ZNF710: variants seen among roughly 807,000 people sequenced by gnomAD.
ZNF710 encodes the protein zinc finger protein 710.
Under a neutral mutation model 50.6 loss-of-function variants are expected in ZNF710, and 13 were observed. The observed-to-expected ratio is 0.26, with a 90% CI of 0.17 to 0.41. The LOEUF is 0.41. ZNF710 is among the 10% of genes least tolerant of loss of function. ZNF710 has a pLI of 1.00. For missense variants in ZNF710, 721 were observed against 936.6 expected, an observed-to-expected ratio of 0.77 and a Z score of 3.01; for synonymous variants, 383 against 397.0, an observed-to-expected ratio of 0.96 and a Z score of 0.42.
intron 1 of ZNF710, among the ~76,000 whole-genome samples, chr15:90,049,359 C>T (rs1899566471): frequency 6.6e-6 from 1 of 152,188 alleles, no homozygotes; most frequent in African/African-American, 2.4e-5. Context: ...CCTCCATGGC[C>T]TGGCCGGAGG....
chr15:90,045,298 C>G, intron 1 of ZNF710: 1 of 983,542 alleles, frequency 1.0e-6, no homozygotes, highest in Non-Finnish European at 1.2e-6. Context: ...AGAGCTTGAG[C>G]CTGGTCAACT....
At chr15:90,003,193 C>T (rs1898058517) in intron 1 of ZNF710, among the ~76,000 whole-genome samples, 1 of 152,214 alleles carries the variant, frequency 6.6e-6, no homozygotes, top group Admixed American at 6.5e-5. Flanking sequence ...TGAGGGAGGC[C>T]TGCCGGGCAA....
At position 90,079,708 on chromosome 15, in the gene ZNF710, A is replaced by T. The variant is rs1352649693; in HGVS notation, c.1874A>T (p.Gln625Leu). 6.2e-7 allele frequency: 1 copy of T among 1,613,874 alleles called. No homozygotes were observed. Among genetic ancestry groups the T allele is most frequent in the East Asian group, 2.2e-5 (1 of 44,896 alleles). ...ACTGACCCTTCAGAGCTCGACGGCCAGCAGGAGATGGAGGACTTCGAGGAG... is the reference window on the plus strand; with the variant it reads ...ACTGACCCTTCAGAGCTCGACGGCCTGCAGGAGATGGAGGACTTCGAGGAG... ...TGTDPSELDG[Q>L]QEMEDFEENA... The change falls in exon 5 of 5, where the codon CAG (glutamine) becomes CTG (leucine). Residue 625 changes from glutamine (Q) to leucine (L), a missense_variant. This residue lies in a region of ZNF710 where 69 missense variants were observed against 67.6 expected (regional missense o/e 1.02). Transcript: ENST00000268154.
intron 1 of ZNF710, among the ~76,000 whole-genome samples, chr15:90,058,976 T>G (rs970506649): frequency 1.3e-5 from 2 of 152,186 alleles, no homozygotes; most frequent in African/African-American, 4.8e-5. Flanking sequence ...CGATTGTAAA[T>G]GTGAGTCACA....
rs1225148000 is a variant in ZNF710, at chr15:90,067,660, C to A, written c.523C>A (p.Pro175Thr). The A allele has an allele frequency of 2.5e-6, 4 of 1,612,724 alleles. No individual in the cohort carries two copies. Among genetic ancestry groups the A allele is most frequent in the Non-Finnish European group, 3.4e-6 (4 of 1,179,568 alleles). Residue 175 changes from proline (P) to threonine (T), a missense_variant, in exon 2 of 5, where the codon CCC becomes ACC. Pro to Thr is a conservative substitution (Grantham distance 38). This residue lies in a region of ZNF710 where 326 missense variants were observed against 347.1 expected (regional missense o/e 0.94). Transcript: ENST00000268154. The surrounding 1 kb of genome is among the most constrained non-coding windows in gnomAD (Gnocchi z 8.1). ...CAAGCCCCGGACGCTCCGGCATCTG[C>A]CCCGAACCCCGAGGCCGGAGCTGAA... is the stretch of plus-strand genomic sequence containing the variant. ...SRKPRTLRHL[P>T]RTPRPELNVA...
chr15:90,011,584 A>G (rs1363528172), intron 1 of ZNF710, among the ~76,000 whole-genome samples: 2 of 152,168 alleles, frequency 1.3e-5, no homozygotes, highest in Non-Finnish European at 2.9e-5. Context: ...ATAATGTTAT[A>G]TACACTTAAT....
In ZNF710 at chr15:90,068,168, C is replaced by T. The variant is rs764688266; in HGVS notation, c.1031C>T (p.Thr344Met). 5.6e-6 allele frequency: 9 copies of T among 1,614,136 alleles called. No individual in the cohort carries two copies. The highest frequency in any genetic ancestry group is 1.1e-5 in the South Asian group (1 of 91,084). Reference protein sequence around the residue: ...QPSHLQTHLLTHQGTRPHKCQ... With the variant: ...QPSHLQTHLLMHQGTRPHKCQ... Reference sequence around the variant, plus strand: ...AGCCACCTGCAGACGCACCTGCTGACGCACCAGGGCACCCGGCCCCACAAG... The same window carrying T: ...AGCCACCTGCAGACGCACCTGCTGATGCACCAGGGCACCCGGCCCCACAAG... Residue 344 changes from threonine (T) to methionine (M), a missense_variant, in exon 2 of 5, where the codon ACG (threonine) becomes ATG (methionine). By Grantham distance (81) the Thr-to-Met change is moderately conservative. Around this residue, in one of 3 missense-constraint regions of ZNF710, gnomAD observed 326 missense variants for 522.0 expected, o/e 0.62. Coordinates refer to ENST00000268154, the MANE Select transcript of ZNF710 (RefSeq NM_198526.4). The surrounding 1 kb of genome is among the most constrained non-coding windows in gnomAD (Gnocchi z 5.0).
intron 1 of ZNF710, among the ~76,000 whole-genome samples, chr15:90,033,176 G>A (rs892015548): frequency 2.0e-5 from 3 of 152,160 alleles, no homozygotes; most frequent in Admixed American, 6.5e-5. Flanking sequence ...ATCCAAATGG[G>A]CGATTGGTGG....
At chr15:90,045,436 G>A in intron 1 of ZNF710, 6 of 978,302 alleles carry the variant, frequency 6.1e-6, no homozygotes, top group Non-Finnish European at 7.3e-6. Context: ...TAAGGGTGCA[G>A]CTCTAGTGAG....
intron 1 of ZNF710, among the ~76,000 whole-genome samples, chr15:90,046,114 A>G (rs1899452993): frequency 6.6e-6 from 1 of 152,062 alleles, no homozygotes; most frequent in African/African-American, 2.4e-5. Context: ...GAAGGAAGCT[A>G]CCTCTGGGAG....
rs1206701730 is a variant in ZNF710 at position 90,031,019 on chromosome 15, AAAAAAAAAG to A, written c.-29+29414_-29+29422del. 3.5e-5 allele frequency among the ~76,000 whole-genome samples: 2 copies of A among 57,176 alleles called. 1 individual carries two copies. The highest frequency in any genetic ancestry group is 2.6e-4 in the African/African-American group (2 of 7,578). The allele number at this position is 57,176 out of a possible 152,430, so 37.5% of individuals were successfully genotyped here. ...GGGCGACAGAGCGAGACTCCGTCTC[AAAAAAAAAG>A]AAAAAAAAAAAAATGCTTAATGGAT... On this transcript the variant is annotated intron_variant, in intron 1 of 4. Coordinates refer to ENST00000268154, the MANE Select transcript of ZNF710 (RefSeq NM_198526.4).
At chr15:90,003,509 G>A (rs1898066853) in intron 1 of ZNF710, among the ~76,000 whole-genome samples, 1 of 152,144 alleles carries the variant, frequency 6.6e-6, no homozygotes, top group Admixed American at 6.5e-5. Context: ...GTAGAGGGCT[G>A]GGGGTCTGTG....
intron 1 of ZNF710, among the ~76,000 whole-genome samples, chr15:90,066,673 C>A (rs781744865): frequency 5.3e-5 from 8 of 152,122 alleles, no homozygotes; most frequent in Non-Finnish European, 8.8e-5. Context: ...CAGGATTTCA[C>A]CATGTTGGCC....
At chr15:90,069,722 G>C (rs539112631) in intron 2 of ZNF710, among the ~76,000 whole-genome samples, 156 of 152,252 alleles carry the variant, frequency 1.0e-3, no homozygotes, top group African/African-American at 3.7e-3. Context: ...CTAGAATATG[G>C]CTAAACTAGG....
At chr15:90,073,035 A>G (rs751628193) in intron 2 of ZNF710, 36 bp from the exon 3 acceptor site, 17 of 1,594,674 alleles carry the variant, frequency 1.1e-5, no homozygotes, top group Non-Finnish European at 1.3e-5. Context: ...GGCTGTGCCC[A>G]TTGTGTGGCC....
At chr15:90,074,339 C>T (rs377041044) in intron 4 of ZNF710, 49 bp downstream of exon 4, 99 of 1,603,570 alleles carry the variant, frequency 6.2e-5, no homozygotes, top group African/African-American at 2.0e-4. Flanking sequence ...ACCAACATGA[C>T]GCACTCAGGA....
intron 1 of ZNF710, among the ~76,000 whole-genome samples, chr15:90,031,749 G>C (rs1352638233): frequency 1.3e-5 from 2 of 152,174 alleles, no homozygotes; most frequent in East Asian, 3.8e-4. Flanking sequence ...AAATGCAGTT[G>C]CCTGGGTCCA....
At chr15:90,073,598 T>C (rs1305999167) in intron 3 of ZNF710, among the ~76,000 whole-genome samples, 2 of 152,042 alleles carry the variant, frequency 1.3e-5, no homozygotes, top group Admixed American at 6.6e-5. Context: ...TGGGGCAGAC[T>C]CACAGGAGCA....
At position 90,080,528 on chromosome 15, in the gene ZNF710, C is replaced by T. The variant is rs1348488065; in HGVS notation, c.*699C>T. 1 of 152,728 alleles carries T rather than the reference C, an allele frequency of 6.5e-6. No individual in the cohort carries two copies. The highest frequency in any genetic ancestry group is 2.4e-5 in the African/African-American group (1 of 41,474). The allele number at this position is 152,728 out of a possible 1,614,324, so 9.5% of individuals were successfully genotyped here. ...TGCAACACATGTCGTCCACTTCGAC[C>T]CTAGCTGGAGTGCCTCACCAGGGGG... is the stretch of plus-strand genomic sequence containing the variant. On this transcript the variant is annotated 3_prime_UTR_variant, in exon 5 of 5. Transcript: ENST00000268154.
Sources: allele counts gnomAD v4.1 joint callset (sites outside exome capture counted in the v4.1 genomes callset), GRCh38; gene constraint gnomAD v4.1.1; regional missense constraint gnomAD v4.1.1; non-coding constraint Gnocchi (gnomAD v3.1); transcripts MANE v1.5; gene names NCBI Gene and HGNC (gene_info 2026-07-23, HGNC 2026-07-21).